The following BACH2 variants were observed in gnomAD, a reference collection of about 807,000 sequenced individuals.
BACH2 encodes transcription regulator protein BACH2.
In BACH2, 5 loss-of-function variants were observed where a neutral mutation model predicts 61.8. The ratio of observed to expected loss-of-function variants is 0.08; its 90% CI spans 0.04 to 0.17. The LOEUF is 0.17. BACH2 is among the 10% of genes least tolerant of loss of function. The pLI is 1.00. For synonymous variants in BACH2, 446 were observed against 440.1 expected (o/e 1.01, Z -0.17); for missense variants, 824 against 1,091.1 (o/e 0.76, Z 3.45).
Position 90,225,914 on chromosome 6 carries a change from G to T in BACH2, c.-274-19233C>A, listed in dbSNP as rs181979978. Among the ~76,000 whole-genome samples the T allele has an allele frequency of 3.9e-5, 6 of 152,300 alleles. No homozygotes were observed. In the East Asian group the frequency reaches 1.2e-3, roughly 29 times the overall value. ...GGAGAGGTAAACCAAGAGGCCATCA[G>T]TTCAAGCAGTGGTTCTCCAAGCGGG... On this transcript the variant is annotated intron_variant, in intron 3 of 8. Coordinates refer to ENST00000257749, the MANE Select transcript of BACH2 (RefSeq NM_021813.4).
chr6:90,117,071 TA>T, intron 4 of BACH2: 1 of 308,544 alleles, frequency 3.2e-6, no homozygotes. Context: ...AAGAAAGCAC[TA>T]AGGGTTGGGT....
intron 4 of BACH2, among the ~76,000 whole-genome samples, chr6:90,097,546 C>T (rs963736730): frequency 1.3e-5 from 2 of 152,190 alleles, no homozygotes; most frequent in African/African-American, 4.8e-5. Flanking sequence ...CTTACATATT[C>T]ATACCACGTG....
chr6:90,098,391 A>G (rs577531352), intron 4 of BACH2, among the ~76,000 whole-genome samples: 3 of 152,246 alleles, frequency 2.0e-5, no homozygotes, highest in African/African-American at 7.2e-5. Flanking sequence ...ATCAGACAGC[A>G]CTGCAGGCTG....
chr6:90,135,691 G>A (rs1383891988), intron 4 of BACH2, among the ~76,000 whole-genome samples: 1 of 152,172 alleles, frequency 6.6e-6, no homozygotes, highest in African/African-American at 2.4e-5. Context: ...TCCAGCCTGG[G>A]CAACAGAGCA....
rs867412754 is a variant in BACH2 at position 89,932,605 on chromosome 6, G to C, written c.2329C>G (p.Pro777Ala). The change falls in exon 9 of 9, where the codon CCC becomes GCC. Residue 777 changes from proline (P) to alanine (A), a missense_variant. Pro to Ala is a conservative substitution (Grantham distance 27). This residue lies in a region of BACH2 where 135 missense variants were observed against 142.7 expected (regional missense o/e 0.95). Transcript: ENST00000257749. ...TTGCTGGGTGCCCAGGGGGGTCCGG[G>C]GGGAGCCGCGCCTGGCTCCAAGCAG... ...PCCLEPGAAP[P>A]GPPWAPSNTS... The C allele has an allele frequency of 6.2e-7, 1 of 1,613,652 alleles. No homozygotes were observed. The highest frequency in any genetic ancestry group is 1.3e-5 in the African/African-American group (1 of 74,788).
Position 89,943,411 on chromosome 6 carries a change from T to G in BACH2, c.1837-5061A>C, listed in dbSNP as rs867172125. The stretch of plus-strand genomic sequence containing the variant: ...TAAAAGGAAACATTGAAAAATTATA[T>G]AAGTATTATATAATTATAGATTATT... On this transcript the variant is annotated intron_variant, in intron 7 of 8. Transcript: ENST00000257749. 3.9e-5 allele frequency among the ~76,000 whole-genome samples: 6 copies of G among 151,974 alleles called. No individual in the cohort carries two copies. The Middle Eastern group carries it at 0.01, about 258-fold the overall frequency.
chr6:90,285,167 C>T (rs1771979621), intron 1 of BACH2, among the ~76,000 whole-genome samples: 1 of 152,200 alleles, frequency 6.6e-6, no homozygotes, highest in Non-Finnish European at 1.5e-5. Flanking sequence ...ACTCTGAAAA[C>T]AAACAGTGAA....
chr6:90,279,677 G>A (rs370361527), intron 1 of BACH2, among the ~76,000 whole-genome samples: 75 of 152,246 alleles, frequency 4.9e-4, no homozygotes, highest in African/African-American at 1.7e-3. Context: ...GGTAACACAC[G>A]CTTAAATCAA....
intron 5 of BACH2, among the ~76,000 whole-genome samples, chr6:90,048,380 T>C (rs1392451473): frequency 6.6e-6 from 1 of 152,172 alleles, no homozygotes; most frequent in African/African-American, 2.4e-5. Flanking sequence ...CCTCCTGCCT[T>C]GGTATCCCTT....
At chr6:90,033,175 G>T (rs1215090286) in intron 5 of BACH2, among the ~76,000 whole-genome samples, 1 of 151,930 alleles carries the variant, frequency 6.6e-6, no homozygotes, top group Non-Finnish European at 1.5e-5. Context: ...TATGGACACA[G>T]GAAGGGGAAC....
At chr6:90,112,798 C>T (rs1582377352) in intron 4 of BACH2, among the ~76,000 whole-genome samples, 1 of 152,140 alleles carries the variant, frequency 6.6e-6, no homozygotes, top group Non-Finnish European at 1.5e-5. Context: ...ACTTAAAAGG[C>T]ACAGAGTGGC....
At chr6:90,004,359 T>C (rs1777292043) in intron 6 of BACH2, among the ~76,000 whole-genome samples, 1 of 152,134 alleles carries the variant, frequency 6.6e-6, no homozygotes, top group South Asian at 2.1e-4. Context: ...AATCTATTTA[T>C]ACCGAGGAAA....
chr6:90,153,165 T>C (rs760791355), intron 4 of BACH2, among the ~76,000 whole-genome samples: 3 of 152,178 alleles, frequency 2.0e-5, no homozygotes, highest in Non-Finnish European at 4.4e-5. Context: ...GAAAGGCAAG[T>C]ATATTTATTA....
chr6:89,939,660 T>C (rs957037566), intron 7 of BACH2, among the ~76,000 whole-genome samples: 2 of 39,744 alleles, frequency 5.0e-5, no homozygotes, highest in Admixed American at 2.5e-4. Context: ...ATATTTCTTT[T>C]TTTTTTTTTT....
intron 4 of BACH2, among the ~76,000 whole-genome samples, chr6:90,102,835 AT>A (rs1323522213): frequency 0.048 from 6,634 of 139,240 alleles, 245 homozygotes; most frequent in South Asian, 0.11. Flanking sequence ...AATAATAATA[AT>A]AATAAAAATA....
chr6:90,087,131 G>T (rs1781965198), intron 5 of BACH2, among the ~76,000 whole-genome samples: 1 of 151,998 alleles, frequency 6.6e-6, no homozygotes, highest in African/African-American at 2.4e-5. Flanking sequence ...CAGGATTTTT[G>T]ACTCTATTAA....
intron 4 of BACH2, among the ~76,000 whole-genome samples, chr6:90,100,285 G>T (rs1018822871): frequency 6.6e-6 from 1 of 152,110 alleles, no homozygotes; most frequent in Non-Finnish European, 1.5e-5. Flanking sequence ...AATTTACTTG[G>T]ATATATACCT....
At chr6:90,062,374 G>T (rs991544468) in intron 5 of BACH2, among the ~76,000 whole-genome samples, 1 of 152,250 alleles carries the variant, frequency 6.6e-6, no homozygotes, top group African/African-American at 2.4e-5. Context: ...AGTTGTTTGG[G>T]TAGTTATAAA....
At chr6:90,104,431 G>A (rs1357645678) in intron 4 of BACH2, 9 of 152,338 alleles carry the variant, frequency 5.9e-5, no homozygotes, top group Non-Finnish European at 7.3e-5. Flanking sequence ...AGGCAGGAGC[G>A]GTTTCTGTGT....
Sources: gnomAD v4.1 joint callset for allele counts (sites outside exome capture counted in the v4.1 genomes callset) on GRCh38, gnomAD v4.1.1 for gene constraint, gnomAD v4.1.1 regional missense constraint, MANE v1.5 for transcripts, NCBI Gene and HGNC (gene_info 2026-07-23, HGNC 2026-07-21) for gene names.